STPG2: variants seen among roughly 807,000 people sequenced by gnomAD.
The protein encoded by STPG2 is sperm tail PG-rich repeat containing 2.
STPG2 carries 56 observed loss-of-function variants against 54.2 expected under a neutral mutation model. The observed-to-expected ratio is 1.03, with a 90% CI of 0.83 to 1.29. The LOEUF is 1.29. Ranked by LOEUF, STPG2 falls within the 50% of genes most tolerant of loss-of-function variation. STPG2 has a pLI of 0.00. For missense variants in STPG2, 596 were observed against 544.9 expected (o/e 1.09, Z -0.93); for synonymous variants, 200 against 181.8 (o/e 1.10, Z -0.81).
At chr4:97,700,842 C>G (rs1337182360) in intron 10 of STPG2, among the ~76,000 whole-genome samples, 3 of 152,216 alleles carry the variant, frequency 2.0e-5, no homozygotes, top group Non-Finnish European at 4.4e-5. Context: ...GCTCCTGAGT[C>G]AATGGCTGCA....
At chr4:98,043,575 C>G (rs1343824508) in intron 5 of STPG2, among the ~76,000 whole-genome samples, 1 of 151,914 alleles carries the variant, frequency 6.6e-6, no homozygotes, top group African/African-American at 2.4e-5. Flanking sequence ...CCCTTGCATC[C>G]AAGTACTCTT....
chr4:97,460,842 T>C (rs1417131664), intron 4 of STPG2, among the ~76,000 whole-genome samples: 2 of 152,212 alleles, frequency 1.3e-5, no homozygotes, highest in South Asian at 2.1e-4. Flanking sequence ...TTGCCTAATA[T>C]TGAACTTTAG....
chr4:97,815,287 T>A (rs1727874955), intron 9 of STPG2, among the ~76,000 whole-genome samples: 1 of 152,146 alleles, frequency 6.6e-6, no homozygotes, highest in Non-Finnish European at 1.5e-5. Context: ...CTATCCCTTA[T>A]CCAAAAGGCT....
chr4:97,924,602 T>G (rs907182667), intron 8 of STPG2, among the ~76,000 whole-genome samples: 1 of 152,212 alleles, frequency 6.6e-6, no homozygotes, highest in Admixed American at 6.5e-5. Flanking sequence ...GGATATGAGT[T>G]CTTAAATGTT....
intron 8 of STPG2, among the ~76,000 whole-genome samples, chr4:97,867,141 G>C (rs1729818711): frequency 1.3e-5 from 2 of 151,910 alleles, no homozygotes; most frequent in Admixed American, 1.3e-4. Context: ...CCTGTAATAT[G>C]CTGTAATAAA....
intron 8 of STPG2, among the ~76,000 whole-genome samples, chr4:97,856,115 T>C (rs1729327520): frequency 6.6e-6 from 1 of 152,192 alleles, no homozygotes; most frequent in African/African-American, 2.4e-5. Context: ...CCTCCAGCTA[T>C]GTTCTTTCTG....
chr4:97,472,200 G>A (rs1318215044), intron 4 of STPG2, among the ~76,000 whole-genome samples: 1 of 152,178 alleles, frequency 6.6e-6, no homozygotes, highest in Admixed American at 6.5e-5. Context: ...AACTTAGTGG[G>A]GCAGAAATTC....
intron 9 of STPG2, among the ~76,000 whole-genome samples, chr4:97,798,561 TTTCTG>T (rs1472530787): frequency 1.3e-5 from 2 of 151,398 alleles, no homozygotes; most frequent in Non-Finnish European, 2.9e-5. Context: ...TTTGTTATAA[TTTCTG>T]TTCTTTTACA....
At chr4:97,506,019 C>CAAA (rs59206485) in intron 4 of STPG2, among the ~76,000 whole-genome samples, 226 of 16,926 alleles carry the variant, frequency 0.013, 25 homozygotes, top group South Asian at 0.019. Flanking sequence ...AATAGGAGAC[C>CAAA]AAAAAAAAAA....
At chr4:97,589,055 T>TAG (rs1274127663) in intron 10 of STPG2, among the ~76,000 whole-genome samples, 2 of 152,058 alleles carry the variant, frequency 1.3e-5, no homozygotes, top group Non-Finnish European at 1.5e-5. Context: ...GATTCCAGAG[T>TAG]GCCTACTCTT....
intron 8 of STPG2, among the ~76,000 whole-genome samples, chr4:97,885,043 T>A (rs1377284952): frequency 6.6e-6 from 1 of 152,106 alleles, no homozygotes; most frequent in African/African-American, 2.4e-5. Context: ...AAACTGTACC[T>A]CAGTATATGT....
chr4:97,909,716 T>G (rs375701152), intron 8 of STPG2, among the ~76,000 whole-genome samples: 1 of 152,126 alleles, frequency 6.6e-6, no homozygotes, highest in African/African-American at 2.4e-5. Context: ...CCCAATAGAT[T>G]TGAAAAAATG....
intron 7 of STPG2, among the ~76,000 whole-genome samples, chr4:97,950,554 G>T (rs1267552152): frequency 6.6e-6 from 1 of 151,830 alleles, no homozygotes; most frequent in Non-Finnish European, 1.5e-5. Context: ...GAATACCTTA[G>T]TAATTAATCT....
chr4:97,937,371 C>T (rs1221992999), intron 8 of STPG2, among the ~76,000 whole-genome samples: 1 of 152,084 alleles, frequency 6.6e-6, no homozygotes, highest in Non-Finnish European at 1.5e-5. Context: ...TTTCTAAAGG[C>T]TACTTCTGTA....
chr4:97,737,659 GA>G (rs909886148), intron 9 of STPG2, among the ~76,000 whole-genome samples: 6 of 151,920 alleles, frequency 3.9e-5, no homozygotes, highest in East Asian at 1.9e-4. Context: ...GAAGCTTAGA[GA>G]AAAAAAAATA....
chr4:97,509,083 C>G (rs1215062366), intron 4 of STPG2, among the ~76,000 whole-genome samples: 1 of 152,104 alleles, frequency 6.6e-6, no homozygotes, highest in African/African-American at 2.4e-5. Context: ...TGCTCTACAG[C>G]ATCGCCTTCA....
At chr4:97,652,563 T>C (rs1219885353) in intron 10 of STPG2, among the ~76,000 whole-genome samples, 1 of 151,980 alleles carries the variant, frequency 6.6e-6, no homozygotes, top group Admixed American at 6.6e-5. Context: ...TTACATCTTT[T>C]ACCTAAAAAT....
At chr4:98,077,227 TG>T (rs879549662) in intron 5 of STPG2, among the ~76,000 whole-genome samples, 20 of 146,086 alleles carry the variant, frequency 1.4e-4, no homozygotes, top group Middle Eastern at 3.5e-3. Context: ...TCAATAGTTT[TG>T]TTGTTGTTGT....
At chr4:97,800,742 T>G (rs1267276401) in intron 9 of STPG2, among the ~76,000 whole-genome samples, 2 of 152,190 alleles carry the variant, frequency 1.3e-5, no homozygotes, top group African/African-American at 4.8e-5. Context: ...TGCAGTGGTT[T>G]CTGCCGCCTT....
Sources: gnomAD v4.1 joint callset for allele counts (sites outside exome capture counted in the v4.1 genomes callset) on GRCh38, gnomAD v4.1.1 for gene constraint, MANE v1.5 for transcripts, NCBI Gene and HGNC (gene_info 2026-07-23, HGNC 2026-07-21) for gene names.